Variants in ADGRE3 observed in about 807,000 individuals in gnomAD.
ADGRE3 encodes the protein EGF-like module receptor 3.
Under a neutral mutation model 80.1 loss-of-function variants are expected in ADGRE3, and 88 were observed. That is an observed-to-expected ratio of 1.10 (90% CI 0.93 to 1.31). The LOEUF (loss-of-function observed/expected upper bound fraction) is 1.31, where lower values mean the gene tolerates loss of function less well. Among genes scored for constraint, ADGRE3 ranks in the 40% most tolerant of loss-of-function variants. The probability of loss-of-function intolerance (pLI) is 0.00; values close to 1 mark genes in which losing one functional copy is unlikely to be tolerated. For missense variants in ADGRE3, 715 were observed against 776.5 expected, an observed-to-expected ratio of 0.92 and a Z score of 0.94; for synonymous variants, 281 against 294.8, an observed-to-expected ratio of 0.95 and a Z score of 0.48.
intron 15 of ADGRE3, among the ~76,000 whole-genome samples, chr19:14,624,317 C>T: frequency 6.6e-6 from 1 of 152,188 alleles, no homozygotes; most frequent in East Asian, 1.9e-4. Context: ...TGGTCTCGAA[C>T]TCCCAACCTC....
the ADGRE3 span, among the ~76,000 whole-genome samples, chr19:14,606,619 G>T: frequency 6.6e-6 from 1 of 150,916 alleles, no homozygotes; most frequent in Non-Finnish European, 1.5e-5. Context: ...GGTGGAAGCT[G>T]CAGTGAGCTG....
chr19:14,665,600 C>T (rs1209612116), intron 2 of ADGRE3, among the ~76,000 whole-genome samples: 1 of 152,000 alleles, frequency 6.6e-6, no homozygotes, highest in Non-Finnish European at 1.5e-5. Flanking sequence ...AGCGATCCTC[C>T]TACCTCAGCC....
chr19:14,614,067 T>C, the ADGRE3 span, among the ~76,000 whole-genome samples: 2 of 151,852 alleles, frequency 1.3e-5, no homozygotes, highest in Non-Finnish European at 2.9e-5. Flanking sequence ...ACGACCCCAC[T>C]ACTGAGTTTT....
intron 2 of ADGRE3, among the ~76,000 whole-genome samples, chr19:14,665,970 A>ATATATATATATATAG (rs1568500876): frequency 7.7e-6 from 1 of 130,126 alleles, no homozygotes; most frequent in African/African-American, 2.8e-5. Flanking sequence ...ATATATATAT[A>ATATATATATATATAG]TATATATAGT....
intron 2 of ADGRE3, among the ~76,000 whole-genome samples, chr19:14,666,378 A>T (rs1599653771): frequency 1.4e-5 from 2 of 143,522 alleles, no homozygotes. Context: ...TTCTTGGCCT[A>T]TTTTTTTTTT....
chr19:14,629,962 T>C, intron 14 of ADGRE3, 77 bp downstream of exon 14: 1 of 926,614 alleles, frequency 1.1e-6, no homozygotes, highest in Non-Finnish European at 1.6e-6. Context: ...TTAGAGAATG[T>C]CAACTTAAAT....
intron 11 of ADGRE3, among the ~76,000 whole-genome samples, chr19:14,637,475 C>T (rs1971124028): frequency 6.6e-6 from 1 of 151,312 alleles, no homozygotes; most frequent in African/African-American, 2.4e-5. Context: ...CTCACTGCAG[C>T]CTTGAACTCC....
the ADGRE3 span, among the ~76,000 whole-genome samples, chr19:14,603,146 C>A: frequency 5.3e-5 from 8 of 152,176 alleles, no homozygotes; most frequent in Non-Finnish European, 1.2e-4. Context: ...TTAAATTACT[C>A]ATTTTAGTTT....
rs1971148919 is a variant in ADGRE3, at chr19:14,638,092, G to T, written c.1484+13C>A. The T allele has an allele frequency of 6.3e-7, 1 of 1,593,520 alleles. No homozygotes were observed. Among genetic ancestry groups the T allele is most frequent in the Admixed American group, 1.7e-5 (1 of 59,978 alleles). ...GGAAACTGTCCATGACACAAGGTGGGATTCAAGCTCACCGATCAGCAGTTC... is the reference window on the plus strand; with the variant it reads ...GGAAACTGTCCATGACACAAGGTGGTATTCAAGCTCACCGATCAGCAGTTC... On this transcript the variant is annotated intron_variant, in intron 11 of 15. Transcript: ENST00000253673.
intron 2 of ADGRE3, 153 bp downstream of exon 2, chr19:14,668,649 T>C: frequency 1.7e-6 from 1 of 582,484 alleles, no homozygotes; most frequent in Non-Finnish European, 3.1e-6. Context: ...GATATAATGA[T>C]AAATTAAGCA....
downstream of ADGRE3, among the ~76,000 whole-genome samples, chr19:14,616,018 G>A (rs922170056): frequency 2.8e-5 from 4 of 143,248 alleles, no homozygotes; most frequent in Admixed American, 2.2e-4. Flanking sequence ...TGTAACCTCC[G>A]CCTCCCAGGT....
the ADGRE3 span, among the ~76,000 whole-genome samples, chr19:14,605,738 G>C: frequency 1.3e-5 from 2 of 151,822 alleles, 1 homozygote; most frequent in Admixed American, 1.3e-4. Flanking sequence ...CCAAAGACCT[G>C]GGATTTTGAC....
chr19:14,667,932 T>C (rs531347586), intron 2 of ADGRE3, among the ~76,000 whole-genome samples: 110 of 152,278 alleles, frequency 7.2e-4, no homozygotes, highest in Middle Eastern at 6.8e-3. Context: ...GTTTTCATCT[T>C]GTAAAACTGA....
chr19:14,647,410 CTTTTTTTTTTT>C lies in ADGRE3; in HGVS notation c.698-56_698-46del, dbSNP rs35043921. ...GAATCTTTTTTCTTTTCTTTTCTTT[CTTTTTTTTTTT>C]TTTTTTTTGAGACGGAGTCTCGCTC... On this transcript the variant is annotated intron_variant, in intron 7 of 15. Transcript: ENST00000253673. The C allele has an allele frequency of 9.6e-6, 9 of 941,708 alleles. No homozygotes were observed. In the East Asian group the frequency reaches 1.8e-4, roughly 19 times the overall value. The allele number at this position is 941,708 out of a possible 1,614,324, so 58.3% of individuals were successfully genotyped here.
intron 6 of ADGRE3, among the ~76,000 whole-genome samples, chr19:14,652,046 ATAAG>A (rs751313429): frequency 7.2e-5 from 11 of 152,252 alleles, no homozygotes; most frequent in Admixed American, 1.3e-4. Context: ...TGTCTCAAAA[ATAAG>A]TAAGTAAGTA....
the ADGRE3 span, among the ~76,000 whole-genome samples, chr19:14,602,860 C>T: frequency 9.2e-5 from 14 of 152,150 alleles, no homozygotes; most frequent in South Asian, 2.1e-4. Context: ...CTCAACCTCC[C>T]GAGTAGCTGG....
chr19:14,617,338 C>CTTTCTT (rs1346705706), downstream of ADGRE3, among the ~76,000 whole-genome samples: 2 of 96,400 alleles, frequency 2.1e-5, no homozygotes, highest in South Asian at 7.0e-4. Context: ...CCCTCCCTCC[C>CTTTCTT]TCCCTTTCTT....
chr19:14,632,959 G>A lies in ADGRE3; in HGVS notation c.1605C>T (p.Ser535=), dbSNP rs1970926504. Residue 535 remains serine, a synonymous_variant, in exon 13 of 16, where the codon TCC becomes TCT. Transcript: ENST00000253673. ...TGGTTGACACTTCACTATTGAGGGA[G>A]GAAAGTTTTCTTTTCAAAATCCAAA... ...LVFWILKRKL[S]SLNSEVSTIQ... 6.2e-7 allele frequency: 1 copy of A among 1,613,798 alleles called. No individual in the cohort carries two copies. The highest frequency in any genetic ancestry group is 2.2e-5 in the East Asian group (1 of 44,872).
chr19:14,601,886 G>A, the ADGRE3 span, among the ~76,000 whole-genome samples: 3 of 152,070 alleles, frequency 2.0e-5, no homozygotes, highest in East Asian at 3.9e-4. Flanking sequence ...TCTGACTCCC[G>A]GGTTCACGCC....
Sources: gnomAD v4.1 joint callset for allele counts (sites outside exome capture counted in the v4.1 genomes callset) on GRCh38, gnomAD v4.1.1 for gene constraint, MANE v1.5 for transcripts, NCBI Gene and HGNC (gene_info 2026-07-23, HGNC 2026-07-21) for gene names.